Variants in XXYLT1 observed in about 807,000 individuals in gnomAD.
XXYLT1 encodes the protein xyloside xylosyltransferase 1.
XXYLT1 carries 20 observed loss-of-function variants against 28.9 expected under a neutral mutation model. The ratio of observed to expected loss-of-function variants is 0.69; its 90% CI spans 0.49 to 1.00. The LOEUF is 1.00. Among genes scored for constraint, XXYLT1 ranks in the 50% least tolerant of loss-of-function variants. The pLI, the probability that XXYLT1 is intolerant of heterozygous loss-of-function variation, is 0.00. For synonymous variants in XXYLT1, 257 were observed against 253.8 expected (o/e 1.01, Z -0.12); for missense variants, 542 against 560.1 (o/e 0.97, Z 0.33).
At chr3:195,187,673 T>G (rs537063785) in intron 2 of XXYLT1, among the ~76,000 whole-genome samples, 16 of 152,206 alleles carry the variant, frequency 1.1e-4, no homozygotes, top group Non-Finnish European at 2.2e-4. Context: ...TGCATGCACA[T>G]TGAGGTAGAG....
At chr3:195,138,876 AAGAAAG>A (rs1208876971) in intron 3 of XXYLT1, among the ~76,000 whole-genome samples, 1 of 150,146 alleles carries the variant, frequency 6.7e-6, no homozygotes, top group South Asian at 2.1e-4. Context: ...AAAAAAAAAA[AAGAAAG>A]AAAGAAAGAA....
Position 195,180,090 on chromosome 3 carries a change from G to A in XXYLT1, c.653-23509C>T, listed in dbSNP as rs1453003741. Among the ~76,000 whole-genome samples the A allele has an allele frequency of 6.6e-6, 1 of 152,180 alleles. No homozygotes were observed. The highest frequency in any genetic ancestry group is 6.5e-5 in the Admixed American group (1 of 15,278). ...CAGAAGAATCTCTGAGCGGCCCCAAGCAGTGGGGTTCTGGCAGAGCACCGC... is the reference window on the plus strand; with the variant it reads ...CAGAAGAATCTCTGAGCGGCCCCAAACAGTGGGGTTCTGGCAGAGCACCGC... On this transcript the variant is annotated intron_variant, in intron 2 of 3. Transcript: ENST00000310380. The surrounding 1 kb of genome is among the most constrained non-coding windows in gnomAD (Gnocchi z 5.8).
chr3:195,072,398 G>A (rs1334453942), intron 3 of XXYLT1, among the ~76,000 whole-genome samples: 1 of 152,168 alleles, frequency 6.6e-6, no homozygotes, highest in Non-Finnish European at 1.5e-5. Context: ...ACCAACCTCG[G>A]CAGGAACGCT....
chr3:195,205,734 G>A (rs1344067911), intron 2 of XXYLT1, among the ~76,000 whole-genome samples: 2 of 152,134 alleles, frequency 1.3e-5, no homozygotes, highest in African/African-American at 4.8e-5. Flanking sequence ...GTGGTGGCAG[G>A]CGACTGTAAT....
At chr3:195,266,218 G>A (rs957525710) in intron 1 of XXYLT1, among the ~76,000 whole-genome samples, 4 of 152,170 alleles carry the variant, frequency 2.6e-5, no homozygotes, top group South Asian at 2.1e-4. Flanking sequence ...CATTCTGGCC[G>A]GGTGCGGTGG....
chr3:195,175,869 A>G, intron 2 of XXYLT1: 1 of 1,417,896 alleles, frequency 7.1e-7, no homozygotes, highest in South Asian at 1.5e-5. Context: ...AAGCCAATGC[A>G]TCCAGTGTGA....
At chr3:195,211,862 T>A (rs895673737) in intron 2 of XXYLT1, among the ~76,000 whole-genome samples, 7 of 145,296 alleles carry the variant, frequency 4.8e-5, no homozygotes, top group Admixed American at 1.4e-4. Flanking sequence ...AGCCACGGAA[T>A]GCCACCAGGA....
intron 2 of XXYLT1, among the ~76,000 whole-genome samples, chr3:195,212,108 A>G (rs2108780210): frequency 8.2e-6 from 1 of 122,166 alleles, no homozygotes. Context: ...GATCTGGAGG[A>G]GGAGAGGGGG....
At chr3:195,110,498 GCAT>G (rs1717576362) in intron 3 of XXYLT1, among the ~76,000 whole-genome samples, 4 of 29,024 alleles carry the variant, frequency 1.4e-4, no homozygotes, top group East Asian at 8.4e-4. Context: ...GTGTATGTGT[GCAT>G]GGTGTGTGGT....
intron 3 of XXYLT1, among the ~76,000 whole-genome samples, chr3:195,085,307 C>T (rs1041239596): frequency 6.6e-6 from 1 of 152,212 alleles, no homozygotes; most frequent in African/African-American, 2.4e-5. Flanking sequence ...AATGGTGACT[C>T]AGTACCAGTG....
Position 195,250,329 on chromosome 3 carries a change from G to A in XXYLT1, c.504+20226C>T, listed in dbSNP as rs142994019. Among the ~76,000 whole-genome samples the A allele has an allele frequency of 5.6e-3, 858 of 152,314 alleles. 16 individuals carry two copies. The highest frequency in any genetic ancestry group is 0.02 in the African/African-American group (823 of 41,560). On this transcript the variant is annotated intron_variant, in intron 1 of 3. Coordinates refer to ENST00000310380, the MANE Select transcript of XXYLT1 (RefSeq NM_152531.5). ...TGTAATCCCAGAACTTTCGGAGGCC[G>A]AGGTGGATGGATCACGTGAGGTCAG...
chr3:195,195,992 C>G lies in XXYLT1; in HGVS notation c.652+30717G>C, dbSNP rs1722609306. Among the ~76,000 whole-genome samples the G allele has an allele frequency of 6.6e-6, 1 of 152,172 alleles. No individual in the cohort carries two copies. The highest frequency in any genetic ancestry group is 6.5e-5 in the Admixed American group (1 of 15,284). ...AGCCCGAGGCTGCAGCCTGCTTGCCCAGGTCACCTGCCACTGCCAGTCTCC... is the reference window on the plus strand; with the variant it reads ...AGCCCGAGGCTGCAGCCTGCTTGCCGAGGTCACCTGCCACTGCCAGTCTCC... On this transcript the variant is annotated intron_variant, in intron 2 of 3. Transcript: ENST00000310380. This position sits in a 1 kb window ranked among gnomAD's most constrained non-coding sequence, Gnocchi z 4.4.
At chr3:195,264,196 C>G (rs1048287251) in intron 1 of XXYLT1, among the ~76,000 whole-genome samples, 6 of 152,244 alleles carry the variant, frequency 3.9e-5, no homozygotes, top group African/African-American at 1.4e-4. Context: ...ATTTCCAACT[C>G]AGGCCAAGAA....
chr3:195,211,894 G>A (rs1723330143), intron 2 of XXYLT1, among the ~76,000 whole-genome samples: 1 of 146,474 alleles, frequency 6.8e-6, no homozygotes, highest in Non-Finnish European at 1.5e-5. Flanking sequence ...AGGAGAGGGG[G>A]CAAGCCACAG....
At chr3:195,238,298 A>G (rs1577183679) in intron 1 of XXYLT1, among the ~76,000 whole-genome samples, 1 of 152,002 alleles carries the variant, frequency 6.6e-6, no homozygotes. Context: ...GCCTGGTAAG[A>G]TCCTATCCAG....
At chr3:195,145,778 C>T (rs1276915246) in intron 3 of XXYLT1, among the ~76,000 whole-genome samples, 8 of 152,236 alleles carry the variant, frequency 5.3e-5, no homozygotes, top group East Asian at 1.9e-4. Flanking sequence ...CGACATACTA[C>T]GCCAATTCTG....
At position 195,099,573 on chromosome 3, in the gene XXYLT1, A is replaced by G. The variant is rs929504146; in HGVS notation, c.786-29462T>C. ...GGGCTGGGCGCGGTGGCTCATGCCT[A>G]TAATTCCAGCACTTTGGGAGGCCGA... is the stretch of plus-strand genomic sequence containing the variant. On this transcript the variant is annotated intron_variant, in intron 3 of 3. Coordinates refer to ENST00000310380, the MANE Select transcript of XXYLT1 (RefSeq NM_152531.5). 2.6e-4 allele frequency among the ~76,000 whole-genome samples: 39 copies of G among 152,306 alleles called. 1 individual carries two copies. The highest frequency in any genetic ancestry group is 7.7e-4 in the African/African-American group (32 of 41,568).
chr3:195,170,215 C>T (rs1721341489), intron 2 of XXYLT1, among the ~76,000 whole-genome samples: 1 of 152,206 alleles, frequency 6.6e-6, no homozygotes, highest in South Asian at 2.1e-4. Context: ...AGAAAATATA[C>T]AAAATACCAC....
rs61471404 is a variant in XXYLT1, at chr3:195,221,744, GTT to G, written c.652+4963_652+4964del. On this transcript the variant is annotated intron_variant, in intron 2 of 3. Coordinates refer to ENST00000310380, the MANE Select transcript of XXYLT1 (RefSeq NM_152531.5). The stretch of plus-strand genomic sequence containing the variant: ...CTCCAGCTCCAGTGCGGCAAAAAAT[GTT>G]TTTTTTTTTCCATTGCATAAGATGC... Among the ~76,000 whole-genome samples the G allele has an allele frequency of 6.0e-3, 884 of 148,214 alleles. 7 individuals carry two copies. The highest frequency in any genetic ancestry group is 0.048 in the Middle Eastern group (14 of 290).
Sources: gnomAD v4.1 joint callset for allele counts (sites outside exome capture counted in the v4.1 genomes callset) on GRCh38, gnomAD v4.1.1 for gene constraint, Gnocchi (gnomAD v3.1) non-coding constraint, MANE v1.5 for transcripts, NCBI Gene and HGNC (gene_info 2026-07-23, HGNC 2026-07-21) for gene names.